Variants in SPMAP2L observed in about 807,000 individuals in gnomAD.
SPMAP2L encodes sperm microtubule associated protein 2-like.
At chr4:56,612,873 C>A in the SPMAP2L span, among the ~76,000 whole-genome samples, 1 of 152,016 alleles carries the variant, frequency 6.6e-6, no homozygotes, top group East Asian at 1.9e-4. Context: ...GGCCTGCTAA[C>A]CTTTTTAATT....
chr4:56,566,442 C>T, the SPMAP2L span, among the ~76,000 whole-genome samples: 1 of 152,154 alleles, frequency 6.6e-6, no homozygotes, highest in African/African-American at 2.4e-5. Flanking sequence ...CGTGATCCAC[C>T]TGCCTTGGCC....
At chr4:56,594,921 C>T in the SPMAP2L span, 4 of 1,611,882 alleles carry the variant, frequency 2.5e-6, no homozygotes, top group Non-Finnish European at 2.5e-6. Flanking sequence ...CTTCACAAGA[C>T]CTTCTGCATT....
chr4:56,556,660 G>A, the SPMAP2L span, among the ~76,000 whole-genome samples: 4 of 152,156 alleles, frequency 2.6e-5, no homozygotes, highest in African/African-American at 9.7e-5. Context: ...ATCACTTGAG[G>A]TCAAGAGTTC....
the SPMAP2L span, among the ~76,000 whole-genome samples, chr4:56,621,847 T>C: frequency 6.6e-6 from 1 of 152,114 alleles, no homozygotes; most frequent in South Asian, 2.1e-4. Flanking sequence ...GGAGAGAGAA[T>C]GAATAGGTGG....
At chr4:56,584,714 C>A in the SPMAP2L span, 1 of 815,732 alleles carries the variant, frequency 1.2e-6, no homozygotes. Flanking sequence ...TTATTTTTCC[C>A]TCTTATCAAA....
At chr4:56,600,264 T>G in the SPMAP2L span, among the ~76,000 whole-genome samples, 3 of 151,892 alleles carry the variant, frequency 2.0e-5, no homozygotes, top group Non-Finnish European at 4.4e-5. Context: ...TAAGTATTAT[T>G]TTTAGCAAAA....
chr4:56,580,618 C>T, the SPMAP2L span, among the ~76,000 whole-genome samples: 7,087 of 150,948 alleles, frequency 0.047, 277 homozygotes, highest in East Asian at 0.21. Context: ...AGATTCTAAC[C>T]AGGGCAATTA....
the SPMAP2L span, among the ~76,000 whole-genome samples, chr4:56,531,704 C>G: frequency 6.6e-6 from 1 of 152,160 alleles, no homozygotes; most frequent in East Asian, 1.9e-4. Context: ...ATGCTCAGTC[C>G]TCACCACCTT....
At chr4:56,553,287 C>T in the SPMAP2L span, among the ~76,000 whole-genome samples, 1 of 143,192 alleles carries the variant, frequency 7.0e-6, no homozygotes, top group African/African-American at 2.6e-5. Context: ...ACCTCCCAGG[C>T]TCAAGTGATT....
At chr4:56,553,988 T>C in the SPMAP2L span, among the ~76,000 whole-genome samples, 17,477 of 77,664 alleles carry the variant, frequency 0.23, 1,060 homozygotes, top group East Asian at 0.3. Flanking sequence ...GCATTTAAGC[T>C]TCCTTTATGT....
the SPMAP2L span, among the ~76,000 whole-genome samples, chr4:56,618,472 G>T: frequency 9.9e-5 from 15 of 152,162 alleles, no homozygotes; most frequent in African/African-American, 3.4e-4. Context: ...TCAGGGCTGG[G>T]GAGGCCTCAG....
the SPMAP2L span, among the ~76,000 whole-genome samples, chr4:56,532,212 A>ACC: frequency 1.5e-4 from 23 of 151,016 alleles, 1 homozygote; most frequent in East Asian, 1.8e-3. Context: ...CACACCTTTG[A>ACC]CCCCCCCACC....
the SPMAP2L span, among the ~76,000 whole-genome samples, chr4:56,623,955 A>G: frequency 1.3e-5 from 2 of 152,352 alleles, no homozygotes; most frequent in East Asian, 1.9e-4. Context: ...GAACTGGGTA[A>G]CAGGCAGAGG....
chr4:56,617,439 G>A, the SPMAP2L span, among the ~76,000 whole-genome samples: 27 of 152,226 alleles, frequency 1.8e-4, no homozygotes, highest in African/African-American at 4.6e-4. Flanking sequence ...TACCTGAGCC[G>A]GTGGTAGTGA....
At chr4:56,567,194 T>A in the SPMAP2L span, among the ~76,000 whole-genome samples, 2 of 152,090 alleles carry the variant, frequency 1.3e-5, no homozygotes, top group African/African-American at 4.8e-5. Context: ...ATACTCTGCA[T>A]TCCTTTGTGT....
the SPMAP2L span, among the ~76,000 whole-genome samples, chr4:56,540,699 G>A: frequency 2.0e-5 from 3 of 152,308 alleles, no homozygotes; most frequent in Non-Finnish European, 2.9e-5. Context: ...CCATCAGTTC[G>A]TCCAAAGCCT....
At chr4:56,554,922 A>G in the SPMAP2L span, among the ~76,000 whole-genome samples, 2 of 149,060 alleles carry the variant, frequency 1.3e-5, no homozygotes, top group Non-Finnish European at 3.0e-5. Flanking sequence ...CCATTTGTTG[A>G]AAAGACTATC....
chr4:56,593,092 G>A, the SPMAP2L span: 1 of 1,580,200 alleles, frequency 6.3e-7, no homozygotes, highest in Non-Finnish European at 8.7e-7. Flanking sequence ...CAGTGCCACA[G>A]ACGATTTTGC....
the SPMAP2L span, among the ~76,000 whole-genome samples, chr4:56,604,195 G>A: frequency 6.6e-6 from 1 of 152,140 alleles, no homozygotes; most frequent in Non-Finnish European, 1.5e-5. Flanking sequence ...AGAACCTGAA[G>A]TTGTCTCTGT....
Sources: allele counts gnomAD v4.1 joint callset (sites outside exome capture counted in the v4.1 genomes callset), GRCh38; gene constraint gnomAD v4.1.1; transcripts MANE v1.5; gene names NCBI Gene and HGNC (gene_info 2026-07-23, HGNC 2026-07-21).